Variants in PDE1A observed in about 807,000 individuals in gnomAD.
PDE1A encodes the protein phosphodiesterase 1A.
In PDE1A, 35 loss-of-function variants were observed where a neutral mutation model predicts 61.7. The observed-to-expected ratio is 0.57, with a 90% CI of 0.43 to 0.75. PDE1A has a LOEUF of 0.75. Among genes scored for constraint, PDE1A ranks in the 30% least tolerant of loss-of-function variants. The pLI is 0.00. For missense variants in PDE1A, 597 were observed against 630.6 expected, an observed-to-expected ratio of 0.95 and a Z score of 0.57; for synonymous variants, 232 against 213.2, an observed-to-expected ratio of 1.09 and a Z score of -0.77.
At chr2:182,697,697 C>T in the PDE1A span, among the ~76,000 whole-genome samples, 3 of 152,216 alleles carry the variant, frequency 2.0e-5, no homozygotes, top group African/African-American at 4.8e-5. Flanking sequence ...ACTTTGTCAA[C>T]CCCAGCTTCT....
intron 2 of PDE1A, among the ~76,000 whole-genome samples, chr2:182,250,395 A>C (rs1443172133): frequency 6.6e-6 from 1 of 152,206 alleles, no homozygotes; most frequent in Non-Finnish European, 1.5e-5. Context: ...GGAAATAGGT[A>C]ATACATTTGA....
At chr2:182,480,561 C>T (rs1257545634) in intron 2 of PDE1A, among the ~76,000 whole-genome samples, 1 of 151,920 alleles carries the variant, frequency 6.6e-6, no homozygotes, top group Non-Finnish European at 1.5e-5. Context: ...TTTAATTTTC[C>T]ACCTGTGGAG....
the PDE1A span, among the ~76,000 whole-genome samples, chr2:182,666,263 A>T: frequency 6.6e-6 from 1 of 152,198 alleles, no homozygotes; most frequent in Non-Finnish European, 1.5e-5. Context: ...TACATGCTTA[A>T]ATTAATAAAC....
At chr2:182,467,312 T>G (rs1414481252) in intron 2 of PDE1A, among the ~76,000 whole-genome samples, 1 of 151,844 alleles carries the variant, frequency 6.6e-6, no homozygotes, top group African/African-American at 2.4e-5. Context: ...CCAATAAATT[T>G]TGCACCTAAA....
chr2:182,148,849 G>C (rs1690629395), intron 13 of PDE1A, among the ~76,000 whole-genome samples: 1 of 152,112 alleles, frequency 6.6e-6, no homozygotes, highest in African/African-American at 2.4e-5. Context: ...TTGAGGTGAA[G>C]AAGGAAGCAT....
chr2:182,518,393 T>G (rs1690347600), intron 2 of PDE1A, among the ~76,000 whole-genome samples: 1 of 152,206 alleles, frequency 6.6e-6, no homozygotes. Context: ...CACTTTTTGC[T>G]TCTAAACATT....
At chr2:182,357,732 A>T (rs190423540) in intron 1 of PDE1A, among the ~76,000 whole-genome samples, 7 of 152,348 alleles carry the variant, frequency 4.6e-5, no homozygotes, top group Non-Finnish European at 1.0e-4. Context: ...GATAAATTTT[A>T]AAAATTGTGA....
At chr2:182,455,500 A>G (rs1685849604) in intron 2 of PDE1A, among the ~76,000 whole-genome samples, 1 of 152,166 alleles carries the variant, frequency 6.6e-6, no homozygotes, top group Non-Finnish European at 1.5e-5. Context: ...AAGACTTGGA[A>G]CCAACCCAAA....
rs576161137 is a variant in PDE1A at position 182,195,471 on chromosome 2, A to G, written c.1125+5968T>C. Reference sequence around the variant, plus strand: ...GAGTTTTCTGAAGTCAAGTCCAATTATCTCTCTAATTTGCATTATTAGGCT... The same window carrying G: ...GAGTTTTCTGAAGTCAAGTCCAATTGTCTCTCTAATTTGCATTATTAGGCT... On this transcript the variant is annotated intron_variant, in intron 10 of 13. Coordinates refer to ENST00000351439, the Ensembl canonical transcript of PDE1A. Among the ~76,000 whole-genome samples, 769 of 152,210 alleles carry G rather than the reference A, an allele frequency of 5.1e-3. 3 individuals carry two copies. Among genetic ancestry groups the G allele is most frequent in the Middle Eastern group, 0.01 (3 of 294 alleles).
At chr2:182,525,884 G>A (rs545071849), upstream of PDE1A, among the ~76,000 whole-genome samples, 26 of 151,814 alleles carry the variant, frequency 1.7e-4, no homozygotes, top group South Asian at 4.2e-3. Flanking sequence ...TCAAATACTC[G>A]TTAAAAATAA....
chr2:182,314,570 A>G (rs1696210154), intron 1 of PDE1A: 2 of 152,190 alleles, frequency 1.3e-5, no homozygotes, highest in Non-Finnish European at 2.9e-5. Context: ...CAGCGGAAGA[A>G]GAAGACACCA....
chr2:182,690,247 A>G, the PDE1A span, among the ~76,000 whole-genome samples: 2 of 152,320 alleles, frequency 1.3e-5, no homozygotes, highest in South Asian at 4.1e-4. Context: ...TTTTAGACCA[A>G]TATCCTTGAT....
chr2:182,155,256 T>G (rs1233740963), intron 13 of PDE1A, among the ~76,000 whole-genome samples: 1 of 151,744 alleles, frequency 6.6e-6, no homozygotes, highest in African/African-American at 2.4e-5. Context: ...CCCAGGTACT[T>G]TTTTATATTT....
chr2:182,440,424 C>T (rs1684713280), intron 2 of PDE1A, among the ~76,000 whole-genome samples: 1 of 152,040 alleles, frequency 6.6e-6, no homozygotes, highest in African/African-American at 2.4e-5. Context: ...CAATGGGATG[C>T]TACTTAGTTA....
At chr2:182,154,597 G>A (rs1280400193) in intron 13 of PDE1A, among the ~76,000 whole-genome samples, 1 of 152,104 alleles carries the variant, frequency 6.6e-6, no homozygotes, top group Non-Finnish European at 1.5e-5. Flanking sequence ...TTTAATAAAT[G>A]GGAGGTCTCC....
At chr2:182,451,568 A>AT (rs892870612) in intron 2 of PDE1A, among the ~76,000 whole-genome samples, 3 of 151,984 alleles carry the variant, frequency 2.0e-5, no homozygotes, top group Admixed American at 2.0e-4. Flanking sequence ...TAAAATGTTA[A>AT]TTTTTTTATA....
chr2:182,149,883 T>C (rs1408816419), intron 13 of PDE1A, among the ~76,000 whole-genome samples: 1 of 152,160 alleles, frequency 6.6e-6, no homozygotes, highest in Non-Finnish European at 1.5e-5. Flanking sequence ...TGGCCAGCTT[T>C]TCAAAGTACA....
chr2:182,638,496 C>G, the PDE1A span, among the ~76,000 whole-genome samples: 1 of 151,888 alleles, frequency 6.6e-6, no homozygotes, highest in African/African-American at 2.4e-5. Context: ...AGATTGCGCC[C>G]CTGCACTCCA....
chr2:182,265,584 C>G (rs543060453), intron 1 of PDE1A, among the ~76,000 whole-genome samples: 5 of 152,086 alleles, frequency 3.3e-5, no homozygotes, highest in Admixed American at 3.3e-4. Flanking sequence ...ACAGAAACCA[C>G]GAGATAATTA....
Sources: allele counts gnomAD v4.1 joint callset (sites outside exome capture counted in the v4.1 genomes callset), GRCh38; gene constraint gnomAD v4.1.1; transcripts MANE v1.5; gene names NCBI Gene and HGNC (gene_info 2026-07-23, HGNC 2026-07-21).